Variants in SHANK2 observed in about 807,000 individuals in gnomAD.
SHANK2 encodes SH3 and multiple ankyrin repeat domains protein 2.
Under a neutral mutation model 133.7 loss-of-function variants are expected in SHANK2, and 43 were observed. The ratio of observed to expected loss-of-function variants is 0.32; its 90% CI spans 0.25 to 0.41. The LOEUF (loss-of-function observed/expected upper bound fraction) is 0.41. Ranked by LOEUF, SHANK2 falls within the 10% of genes least tolerant of loss-of-function variation. SHANK2 has a pLI of 1.00. For missense variants in SHANK2, 1,994 were observed against 2,235.8 expected (o/e 0.89, Z 2.18); for synonymous variants, 1,017 against 952.8 (o/e 1.07, Z -1.24).
intron 17 of SHANK2, among the ~76,000 whole-genome samples, chr11:70,605,678 G>A (rs1554992151): frequency 6.6e-6 from 1 of 152,206 alleles, no homozygotes; most frequent in Non-Finnish European, 1.5e-5. Context: ...GGGGGACGAG[G>A]AACGCAGAGC....
chr11:71,166,687 T>C (rs77781815), intron 2 of SHANK2, among the ~76,000 whole-genome samples: 5,550 of 151,990 alleles, frequency 0.037, 156 homozygotes, highest in East Asian at 0.16. Context: ...TTCACCATGT[T>C]GGCCAGGCTG....
chr11:70,537,448 T>G (rs1457323318), intron 17 of SHANK2, among the ~76,000 whole-genome samples: 1 of 152,218 alleles, frequency 6.6e-6, no homozygotes, highest in Non-Finnish European at 1.5e-5. Flanking sequence ...GACACACAGC[T>G]GGGAGAGGGC....
At chr11:70,643,523 G>T (rs1009982884) in intron 17 of SHANK2, among the ~76,000 whole-genome samples, 1 of 146,486 alleles carries the variant, frequency 6.8e-6, no homozygotes, top group South Asian at 2.2e-4. Flanking sequence ...GAGATCACGC[G>T]CCACTGCACT....
At chr11:70,502,357 T>G in intron 18 of SHANK2, 71 bp from the exon 19 acceptor site, 2 of 1,422,372 alleles carry the variant, frequency 1.4e-6, no homozygotes, top group Non-Finnish European at 1.9e-6. Context: ...AGGCTAGCAG[T>G]GGCCCTGTGG....
intron 15 of SHANK2, among the ~76,000 whole-genome samples, chr11:70,695,072 C>T (rs1043404411): frequency 1.6e-4 from 25 of 152,146 alleles, no homozygotes; most frequent in Admixed American, 2.6e-4. Context: ...ATCCTGAATA[C>T]GTCAGGATTC....
intron 11 of SHANK2, chr11:70,872,926 C>T (rs1949493541): frequency 2.2e-6 from 1 of 454,524 alleles, no homozygotes; most frequent in African/African-American, 2.0e-5. Flanking sequence ...AGCACATATC[C>T]ACTGTCTGCC....
At chr11:70,489,005 T>G in intron 24 of SHANK2, 1 of 355,626 alleles carries the variant, frequency 2.8e-6, no homozygotes, top group Non-Finnish European at 5.3e-6. Context: ...GGCACAGGGA[T>G]TTCATGTTGG....
intron 14 of SHANK2, among the ~76,000 whole-genome samples, chr11:70,707,372 CAA>C (rs1172194976): frequency 9.7e-4 from 56 of 57,872 alleles, no homozygotes; most frequent in Middle Eastern, 0.014. Context: ...AACTCCATCT[CAA>C]AAAAAAAAAA....
intron 11 of SHANK2, among the ~76,000 whole-genome samples, chr11:70,884,657 C>A (rs568635423): frequency 6.6e-6 from 1 of 152,228 alleles, no homozygotes; most frequent in Non-Finnish European, 1.5e-5. Context: ...CCGGTCCCCC[C>A]CACCGAGTGT....
At position 70,820,781 on chromosome 11, in the gene SHANK2, C is replaced by A. The variant is rs183854642; in HGVS notation, c.1175-99G>T. ...GGTGCAGGCCTGCGTGCGTCCAAGC[C>A]CCCATGCGAGCCCAGCAGAGGGGAG... On this transcript the variant is annotated intron_variant, in intron 11 of 25. Transcript: ENST00000601538. 8.3e-4 allele frequency: 477 copies of A among 574,868 alleles called. 1 individual carries two copies. The highest frequency in any genetic ancestry group is 4.8e-3 in the Admixed American group (158 of 32,856). The allele number at this position is 574,868 out of a possible 1,614,324, so 35.6% of individuals were successfully genotyped here. A position where few individuals can be genotyped will look rare whatever the true frequency, so the allele number is the denominator to read the frequency against.
intron 2 of SHANK2, among the ~76,000 whole-genome samples, chr11:71,214,166 GGGCTTCCCCTGT>G (rs1233218964): frequency 1.3e-5 from 2 of 152,098 alleles, no homozygotes; most frequent in African/African-American, 2.4e-5. Context: ...CCAAACCCTG[GGGCTTCCCCTGT>G]GGCCCCAGGG....
intron 2 of SHANK2, among the ~76,000 whole-genome samples, chr11:71,156,126 C>T (rs1281392154): frequency 5.9e-5 from 9 of 152,166 alleles, no homozygotes; most frequent in Non-Finnish European, 1.2e-4. Context: ...CCTGCCACAC[C>T]TTGATCTTGG....
chr11:71,183,270 G>A (rs1445966330), intron 2 of SHANK2, among the ~76,000 whole-genome samples: 1 of 152,130 alleles, frequency 6.6e-6, no homozygotes, highest in Non-Finnish European at 1.5e-5. Context: ...CTGGAGTTTC[G>A]AGGCTGAGGA....
chr11:70,694,304 C>G (rs1018672980), intron 15 of SHANK2, among the ~76,000 whole-genome samples: 2 of 152,226 alleles, frequency 1.3e-5, no homozygotes, highest in Non-Finnish European at 2.9e-5. Context: ...TTGGCTGGAA[C>G]AGCTGAATAT....
At chr11:71,154,125 C>T (rs1457896424) in intron 2 of SHANK2, among the ~76,000 whole-genome samples, 1 of 152,206 alleles carries the variant, frequency 6.6e-6, no homozygotes, top group African/African-American at 2.4e-5. Context: ...TTTGTGACTA[C>T]ACATTTCATT....
chr11:70,577,727 CAGGTGGGCTGATAAACGG>C lies in SHANK2; in HGVS notation c.2062-74814_2062-74797del, dbSNP rs572228249. ...CCCTGGCTGCACTGTACCCCACAGC[CAGGTGGGCTGATAAACGG>C]AGGTAAACTGTGGGTCACCATTCCT... is the stretch of plus-strand genomic sequence containing the variant. On this transcript the variant is annotated intron_variant, in intron 17 of 25. Coordinates refer to ENST00000601538, the MANE Select transcript of SHANK2 (RefSeq NM_012309.5). 1.0e-3 allele frequency among the ~76,000 whole-genome samples: 153 copies of C among 152,334 alleles called. 4 individuals carry two copies. The South Asian group carries it at 0.03, about 30-fold the overall frequency.
intron 5 of SHANK2, among the ~76,000 whole-genome samples, chr11:71,110,424 C>T (rs548917573): frequency 5.9e-5 from 9 of 151,808 alleles, no homozygotes; most frequent in African/African-American, 1.9e-4. Flanking sequence ...GGCAACAAAG[C>T]GAGACTCCAT....
intron 2 of SHANK2, among the ~76,000 whole-genome samples, chr11:71,186,006 A>T (rs1953664337): frequency 6.6e-6 from 1 of 152,186 alleles, no homozygotes; most frequent in Non-Finnish European, 1.5e-5. Context: ...GGTACATTTC[A>T]CTGGCTGCTG....
chr11:70,920,891 C>T (rs1950340631), intron 10 of SHANK2, among the ~76,000 whole-genome samples: 3 of 152,190 alleles, frequency 2.0e-5, no homozygotes, highest in Non-Finnish European at 4.4e-5. Context: ...TGAATCACAA[C>T]AGGCAATATC....
Sources: allele counts gnomAD v4.1 joint callset (sites outside exome capture counted in the v4.1 genomes callset), GRCh38; gene constraint gnomAD v4.1.1; transcripts MANE v1.5; gene names NCBI Gene and HGNC (gene_info 2026-07-23, HGNC 2026-07-21).